Variants in SMG5 observed in about 807,000 individuals in gnomAD.
SMG5 encodes nonsense-mediated mRNA decay factor SMG5.
In SMG5, 53 loss-of-function variants were observed where a neutral mutation model predicts 122.9. That is an observed-to-expected ratio of 0.43 (90% CI 0.35 to 0.54). The LOEUF (loss-of-function observed/expected upper bound fraction) is 0.54. SMG5 is among the 20% of genes least tolerant of loss of function. The pLI is 0.01. For missense variants in SMG5, 1,153 were observed against 1,285.6 expected, an observed-to-expected ratio of 0.90 and a Z score of 1.58; for synonymous variants, 477 against 490.2, an observed-to-expected ratio of 0.97 and a Z score of 0.35.
At chr1:156,272,933 A>T (rs1387403837) in intron 6 of SMG5, among the ~76,000 whole-genome samples, 1 of 152,142 alleles carries the variant, frequency 6.6e-6, no homozygotes, top group African/African-American at 2.4e-5. Context: ...GAATTGATGG[A>T]GTACCATTCC....
rs1661289930 is a variant in SMG5 at position 156,250,351 on chromosome 1, C to G, written c.*236G>C. 5 of 528,290 alleles carry G rather than the reference C, an allele frequency of 9.5e-6. No individual in the cohort carries two copies. Among genetic ancestry groups the G allele is most frequent in the Non-Finnish European group, 1.4e-5 (4 of 293,566 alleles). 32.7% of individuals were successfully genotyped at this position (528,290 alleles called of 1,614,324 possible). ...GGCAGGAAGGCTGGCCAGGGGCCCA[C>G]AAGACTCTCCTAATCCAAGCACTTT... On this transcript the variant is annotated 3_prime_UTR_variant, in exon 22 of 22. Coordinates refer to ENST00000361813, the MANE Select transcript of SMG5 (RefSeq NM_015327.3).
At chr1:156,277,056 C>T in intron 4 of SMG5, 29 bp downstream of exon 4, 2 of 1,605,904 alleles carry the variant, frequency 1.2e-6, no homozygotes, top group East Asian at 2.2e-5. Flanking sequence ...TGAGAACCTG[C>T]TCAAGTCCAC....
upstream of SMG5, chr1:156,285,463 G>A: frequency 6.2e-7 from 1 of 1,614,104 alleles, no homozygotes. Context: ...TGCCCTGGGG[G>A]ACTGGCCCTC....
the SMG5 span, chr1:156,291,103 G>A: frequency 2.4e-6 from 1 of 414,360 alleles, no homozygotes; most frequent in Non-Finnish European, 4.4e-6. Context: ...GCAAGACCAT[G>A]TCTCTAAAAA....
Position 156,282,771 on chromosome 1 carries a change from G to C in SMG5, c.-91C>G, listed in dbSNP as rs986120360. 6.5e-6 allele frequency: 9 copies of C among 1,377,310 alleles called. No individual in the cohort carries two copies. The highest frequency in any genetic ancestry group is 8.8e-6 in the Non-Finnish European group (9 of 1,027,910). 85.3% of individuals were successfully genotyped at this position (1,377,310 alleles called of 1,614,324 possible). ...GCCGTCTCCGGCCGTAGCCGCAGCC[G>C]CCGCCGCCACCGGCCCTGCTCGGCC... On this transcript the variant is annotated 5_prime_UTR_variant, in exon 1 of 22. Transcript: ENST00000361813.
intron 1 of SMG5, among the ~76,000 whole-genome samples, chr1:156,280,114 CTAAGAGG>C (rs1662863975): frequency 6.6e-6 from 1 of 152,122 alleles, no homozygotes. Flanking sequence ...ACTCCAGGCA[CTAAGAGG>C]TAAGTCTGTC....
chr1:156,274,827 T>G, intron 4 of SMG5, 141 bp from the exon 5 acceptor site: 1 of 656,854 alleles, frequency 1.5e-6, no homozygotes, highest in Admixed American at 2.3e-5. Context: ...GACACACTCA[T>G]CCAGGACACA....
the SMG5 span, among the ~76,000 whole-genome samples, chr1:156,288,335 T>A: frequency 6.6e-6 from 1 of 151,800 alleles, no homozygotes; most frequent in East Asian, 1.9e-4. Context: ...TGTTACTTTT[T>A]TTTTCTTTTT....
intron 3 of SMG5, 73 bp downstream of exon 3, chr1:156,277,852 T>A (rs1342833357): frequency 1.9e-6 from 3 of 1,591,976 alleles, no homozygotes; most frequent in African/African-American, 2.7e-5. Flanking sequence ...CCTCCAACCA[T>A]GTTCTGCGCC....
At chr1:156,262,569 T>TAG (rs1319481592) in intron 13 of SMG5, among the ~76,000 whole-genome samples, 1 of 151,526 alleles carries the variant, frequency 6.6e-6, no homozygotes, top group Non-Finnish European at 1.5e-5. Context: ...TTAAAGGATG[T>TAG]GGCTTCTCTA....
At position 156,282,812 on chromosome 1, in the gene SMG5, C is replaced by T. The variant is rs909574162; in HGVS notation, c.-132G>A. On this transcript the variant is annotated 5_prime_UTR_variant, in exon 1 of 22. Transcript: ENST00000361813. ...CTGCTCGGCCGCCATCGCTGTGAGGCGGCTGCCCGCGACAGCTCCTCCTCC... is the reference window on the plus strand; with the variant it reads ...CTGCTCGGCCGCCATCGCTGTGAGGTGGCTGCCCGCGACAGCTCCTCCTCC... 4 of 963,974 alleles carry T rather than the reference C, an allele frequency of 4.1e-6. No homozygotes were observed. The highest frequency in any genetic ancestry group is 1.7e-5 in the African/African-American group (1 of 58,756). 59.7% of individuals were successfully genotyped at this position (963,974 alleles called of 1,614,324 possible).
chr1:156,253,150 C>A, intron 17 of SMG5, 72 bp from the exon 18 acceptor site: 1 of 1,473,006 alleles, frequency 6.8e-7, no homozygotes, highest in South Asian at 1.3e-5. Context: ...GAGTGGTGCT[C>A]AAGGTGGCTC....
At chr1:156,263,277 A>C (rs953751668) in intron 13 of SMG5, 118 bp downstream of exon 13, 9 of 1,166,678 alleles carry the variant, frequency 7.7e-6, no homozygotes, top group Non-Finnish European at 1.1e-5. Context: ...TAGGTGATTA[A>C]TTGCTTGGCA....
intron 7 of SMG5, among the ~76,000 whole-genome samples, chr1:156,270,801 A>G (rs1176674185): frequency 6.6e-6 from 1 of 152,224 alleles, no homozygotes; most frequent in Non-Finnish European, 1.5e-5. Flanking sequence ...TGAGGTCGGG[A>G]GTTTGAGACC....
chr1:156,275,580 C>T (rs943538721), intron 4 of SMG5, among the ~76,000 whole-genome samples: 9 of 152,192 alleles, frequency 5.9e-5, no homozygotes, highest in African/African-American at 2.2e-4. Context: ...TTATCCATTC[C>T]ACCTTACTGC....
rs764917090 is a variant in SMG5 at position 156,253,496 on chromosome 1, C to G, written c.2455G>C (p.Ala819Pro). 1 of 1,614,064 alleles carries G rather than the reference C, an allele frequency of 6.2e-7. No individual in the cohort carries two copies. Among genetic ancestry groups the G allele is most frequent in the Non-Finnish European group, 8.5e-7 (1 of 1,180,006 alleles). ...QAQFRMAQEE[A>P]RRNRLMRDMA... ...TCTCTCATGAGCCTGTTCCGACGAG[C>G]TTCCTCCTGTGCCTATGAGGGAAAA... Residue 819 changes from alanine (A) to proline (P), a missense_variant, in exon 17 of 22, where the codon GCT becomes CCT. By Grantham distance (27) the Ala-to-Pro change is conservative. Transcript: ENST00000361813.
chr1:156,267,932 GGGA>G (rs1297461575), intron 9 of SMG5, among the ~76,000 whole-genome samples, 180 bp downstream of exon 9: 1 of 152,186 alleles, frequency 6.6e-6, no homozygotes, highest in Non-Finnish European at 1.5e-5. Context: ...GAGAGCTGCT[GGGA>G]GGAGGATGGG....
chr1:156,271,602 C>T (rs1326643586), intron 7 of SMG5, among the ~76,000 whole-genome samples: 1 of 103,268 alleles, frequency 9.7e-6, no homozygotes, highest in African/African-American at 3.8e-5. Flanking sequence ...GAGATGGAGT[C>T]TTGCTCTGTT....
upstream of SMG5, chr1:156,285,662 A>T (rs780116245): frequency 6.2e-7 from 1 of 1,613,920 alleles, no homozygotes; most frequent in Non-Finnish European, 8.5e-7. Context: ...AGAAGACCTT[A>T]TCGTGCGCTG....
Sources: gnomAD v4.1 joint callset for allele counts (sites outside exome capture counted in the v4.1 genomes callset) on GRCh38, gnomAD v4.1.1 for gene constraint, MANE v1.5 for transcripts, NCBI Gene and HGNC (gene_info 2026-07-23, HGNC 2026-07-21) for gene names.